PCDH15: variants seen among roughly 807,000 people sequenced by gnomAD.
PCDH15 encodes the protein protocadherin-15.
In PCDH15, 129 loss-of-function variants were observed where a neutral mutation model predicts 178.5. The observed-to-expected ratio is 0.72, with a 90% CI of 0.63 to 0.84. The LOEUF (loss-of-function observed/expected upper bound fraction) is 0.84. PCDH15 is among the 40% of genes least tolerant of loss of function. PCDH15 has a pLI of 0.00. For synonymous variants in PCDH15, 800 were observed against 732.0 expected (o/e 1.09, Z -1.50); for missense variants, 2,230 against 2,099.9 (o/e 1.06, Z -1.21).
intron 3 of PCDH15, among the ~76,000 whole-genome samples, chr10:54,527,030 G>C (rs550438469): frequency 3.3e-5 from 5 of 152,242 alleles, no homozygotes; most frequent in Admixed American, 2.6e-4. Context: ...TAATGGAAGA[G>C]TCTATCATGT....
At chr10:55,434,278 G>C (rs1035868155) in intron 2 of PCDH15, among the ~76,000 whole-genome samples, 5 of 151,326 alleles carry the variant, frequency 3.3e-5, no homozygotes, top group Admixed American at 2.0e-4. Context: ...CACTGGTCTC[G>C]ATCTCCTGAC....
intron 2 of PCDH15, among the ~76,000 whole-genome samples, chr10:54,957,261 A>T (rs2131880368): frequency 6.6e-6 from 1 of 151,720 alleles, no homozygotes; most frequent in Non-Finnish European, 1.5e-5. Context: ...TTTGGGCAAA[A>T]AAAAATCAGT....
At position 53,806,163 on chromosome 10, in the gene PCDH15, TCTTA is replaced by T. The variant is rs569905861; in HGVS notation, c.*412_*415del. 324 of 173,214 alleles carry T rather than the reference TCTTA, an allele frequency of 1.9e-3. 6 individuals carry two copies. The highest frequency in any genetic ancestry group is 6.9e-3 in the African/African-American group (289 of 41,688). The allele number at this position is 173,214 out of a possible 1,614,324, so 10.7% of individuals were successfully genotyped here. Reference sequence around the variant, plus strand: ...ATAAACTCATTGCCTGTAAATATCCTCTTACTTCTTTTTTGCCCTTTTGGCTATG... The same window carrying T: ...ATAAACTCATTGCCTGTAAATATCCTCTTCTTTTTTGCCCTTTTGGCTATG... On this transcript the variant is annotated 3_prime_UTR_variant, in exon 38 of 38. Coordinates refer to ENST00000644397, the MANE Select transcript of PCDH15 (RefSeq NM_001384140.1).
intron 3 of PCDH15, among the ~76,000 whole-genome samples, chr10:54,848,928 G>T (rs781575818): frequency 3.3e-5 from 5 of 152,064 alleles, no homozygotes; most frequent in Non-Finnish European, 7.4e-5. Context: ...AAATTGAAAG[G>T]CATTCCAGGG....
intron 13 of PCDH15, among the ~76,000 whole-genome samples, chr10:54,176,322 G>A (rs2047437498): frequency 6.6e-6 from 1 of 152,096 alleles, no homozygotes; most frequent in African/African-American, 2.4e-5. Context: ...TAAAACATGT[G>A]GGAGATACAG....
intron 2 of PCDH15, among the ~76,000 whole-genome samples, chr10:55,472,838 GATTAC>G (rs1302319977): frequency 6.6e-6 from 1 of 152,160 alleles, no homozygotes; most frequent in Non-Finnish European, 1.5e-5. Flanking sequence ...AAAGTGCTGG[GATTAC>G]AGGCGTGAGC....
Position 53,804,691 on chromosome 10 carries a change from C to T in PCDH15, c.*1888G>A, listed in dbSNP as rs554951771. 5.3e-5 allele frequency: 8 copies of T among 152,088 alleles called. No homozygotes were observed. The highest frequency in any genetic ancestry group is 1.9e-4 in the African/African-American group (8 of 41,540). The allele number at this position is 152,088 out of a possible 1,614,324, so 9.4% of individuals were successfully genotyped here. A position where few individuals can be genotyped will look rare whatever the true frequency, so the allele number is the denominator to read the frequency against. Reference sequence around the variant, plus strand: ...AATATTAAATTATATTCGATGACCTCTGATTGAATTAGTAGGGAAATATAT... The same window carrying T: ...AATATTAAATTATATTCGATGACCTTTGATTGAATTAGTAGGGAAATATAT... On this transcript the variant is annotated 3_prime_UTR_variant, in exon 38 of 38. Coordinates refer to ENST00000644397, the MANE Select transcript of PCDH15 (RefSeq NM_001384140.1).
chr10:54,293,982 G>C (rs1055878256), intron 8 of PCDH15, among the ~76,000 whole-genome samples: 2 of 152,092 alleles, frequency 1.3e-5, no homozygotes, highest in Non-Finnish European at 2.9e-5. Flanking sequence ...ATACCCAAAG[G>C]ATTATAAATC....
chr10:55,345,821 T>C (rs978118158), intron 2 of PCDH15, among the ~76,000 whole-genome samples: 14 of 152,118 alleles, frequency 9.2e-5, no homozygotes, highest in African/African-American at 2.9e-4. Context: ...TTTCAAGTTA[T>C]ACATATATGT....
intron 3 of PCDH15, among the ~76,000 whole-genome samples, chr10:54,519,287 T>A (rs866525678): frequency 1.6e-4 from 24 of 152,162 alleles, no homozygotes; most frequent in African/African-American, 5.8e-4. Flanking sequence ...TGTTTGCAGA[T>A]GACATGATTG....
intron 3 of PCDH15, among the ~76,000 whole-genome samples, chr10:54,458,283 G>GTCC (rs2076952730): frequency 1.3e-5 from 2 of 149,250 alleles, no homozygotes; most frequent in African/African-American, 5.2e-5. Flanking sequence ...TCACACTACC[G>GTCC]TAAGAATTAG....
chr10:54,737,351 T>C (rs1944253394), intron 1 of PCDH15, among the ~76,000 whole-genome samples: 1 of 152,118 alleles, frequency 6.6e-6, no homozygotes, highest in Non-Finnish European at 1.5e-5. Context: ...TCACCCACTA[T>C]ACTACAAAAT....
intron 3 of PCDH15, among the ~76,000 whole-genome samples, chr10:54,815,235 A>T (rs1952930202): frequency 6.6e-6 from 1 of 152,078 alleles, no homozygotes; most frequent in Non-Finnish European, 1.5e-5. Context: ...TATGGCATGA[A>T]TACATAAAAT....
intron 2 of PCDH15, among the ~76,000 whole-genome samples, chr10:55,333,300 A>G (rs533037868): frequency 6.6e-6 from 1 of 152,264 alleles, no homozygotes; most frequent in African/African-American, 2.4e-5. Flanking sequence ...GATTTAGGGG[A>G]AATGTAGGGG....
chr10:54,800,285 C>A (rs1257862478), intron 1 of PCDH15, among the ~76,000 whole-genome samples: 2 of 152,290 alleles, frequency 1.3e-5, no homozygotes, highest in East Asian at 3.9e-4. Context: ...TTAATACTAT[C>A]TAGCATTAAT....
At chr10:54,341,032 C>T (rs945587021) in intron 6 of PCDH15, among the ~76,000 whole-genome samples, 20 of 152,232 alleles carry the variant, frequency 1.3e-4, no homozygotes, top group African/African-American at 4.8e-4. Flanking sequence ...TGTTTTCTAT[C>T]TATTGGGAGA....
intron 31 of PCDH15, 132 bp downstream of exon 31, chr10:53,828,433 G>T (rs2076831821): frequency 3.9e-6 from 3 of 765,514 alleles, no homozygotes; most frequent in African/African-American, 1.7e-5. Context: ...ATCAAACCAA[G>T]AAATAAACTA....
intron 23 of PCDH15, among the ~76,000 whole-genome samples, chr10:53,951,575 T>C (rs754237464): frequency 6.6e-6 from 1 of 152,228 alleles, no homozygotes; most frequent in Non-Finnish European, 1.5e-5. Flanking sequence ...AAACAATGCA[T>C]GTGGAAGATT....
At chr10:54,041,512 A>G (rs2093544176) in intron 18 of PCDH15, among the ~76,000 whole-genome samples, 1 of 152,122 alleles carries the variant, frequency 6.6e-6, no homozygotes, top group South Asian at 2.1e-4. Context: ...CCTTTTAAAA[A>G]TTATTACAGT....
Sources: allele counts gnomAD v4.1 joint callset (sites outside exome capture counted in the v4.1 genomes callset), GRCh38; gene constraint gnomAD v4.1.1; transcripts MANE v1.5; gene names NCBI Gene and HGNC (gene_info 2026-07-23, HGNC 2026-07-21).